MBTD1: variants seen among roughly 807,000 people sequenced by gnomAD.
The protein encoded by MBTD1 is mbt domain containing 1.
Under a neutral mutation model 87.8 loss-of-function variants are expected in MBTD1, and 24 were observed. The observed-to-expected ratio is 0.27, with a 90% CI of 0.20 to 0.38. The LOEUF is 0.38. Among genes scored for constraint, MBTD1 ranks in the 10% least tolerant of loss-of-function variants. The pLI, the probability that MBTD1 is intolerant of heterozygous loss-of-function variation, is 1.00. For missense variants in MBTD1, 436 were observed against 760.2 expected (o/e 0.57, Z 5.02); for synonymous variants, 237 against 248.6 (o/e 0.95, Z 0.44).
intron 16 of MBTD1, chr17:51,184,315 GCT>G (rs1284717528): frequency 7.2e-5 from 11 of 152,182 alleles, no homozygotes; most frequent in Admixed American, 5.2e-4. Flanking sequence ...TCTTTTCTCA[GCT>G]CTGTTTTTAG....
intron 2 of MBTD1, among the ~76,000 whole-genome samples, chr17:51,230,519 G>A (rs2053490566): frequency 6.6e-6 from 1 of 152,196 alleles, no homozygotes. Context: ...GGCTGTGTGA[G>A]GGCAGAGTCA....
chr17:51,182,645 T>G (rs2050368392), intron 16 of MBTD1, among the ~76,000 whole-genome samples: 1 of 152,162 alleles, frequency 6.6e-6, no homozygotes, highest in Non-Finnish European at 1.5e-5. Context: ...TTGCCCACAA[T>G]ACTCACACAG....
intron 12 of MBTD1, among the ~76,000 whole-genome samples, chr17:51,196,048 CA>C (rs1040838058): frequency 6.6e-6 from 1 of 152,108 alleles, no homozygotes; most frequent in African/African-American, 2.4e-5. Context: ...GCTAGGACTA[CA>C]GGTGCATGCC....
chr17:51,231,692 C>CCT (rs2053559354), intron 2 of MBTD1, among the ~76,000 whole-genome samples: 1 of 152,148 alleles, frequency 6.6e-6, no homozygotes, highest in Admixed American at 6.5e-5. Context: ...TGCACCCAGC[C>CCT]TAAGGCCTCT....
rs1568136911 is a variant in MBTD1 at position 51,179,713 on chromosome 17, A to T, written c.*863T>A. 2.0e-5 allele frequency: 3 copies of T among 151,416 alleles called. No individual in the cohort carries two copies. Among genetic ancestry groups the T allele is most frequent in the Admixed American group, 1.3e-4 (2 of 15,128 alleles). The allele number at this position is 151,416 out of a possible 1,614,324, so 9.4% of individuals were successfully genotyped here. On this transcript the variant is annotated 3_prime_UTR_variant, in exon 17 of 17. Coordinates refer to ENST00000586178, the MANE Select transcript of MBTD1 (RefSeq NM_017643.3). The stretch of plus-strand genomic sequence containing the variant: ...TTGGTTGTGGTTATACGAAGCTGTT[A>T]TTTCACAGATAGAGGGAAATGGCAG...
rs757280808 is a variant in MBTD1, at chr17:51,202,914, G to T, written c.850C>A (p.Pro284Thr). The T allele has an allele frequency of 2.5e-6, 4 of 1,613,174 alleles. No individual in the cohort carries two copies. The highest frequency in any genetic ancestry group is 3.4e-6 in the Non-Finnish European group (4 of 1,179,184). Residue 284 changes from proline to threonine, a missense_variant, in exon 10 of 17, where the codon CCT becomes ACT. This residue lies in a region of MBTD1 where 268 missense variants were observed against 401.8 expected (regional missense o/e 0.67). Coordinates refer to ENST00000586178, the MANE Select transcript of MBTD1 (RefSeq NM_017643.3). ...SQKVSESMQYPFKPCMRVEVV... is the reference protein window; with the variant it reads ...SQKVSESMQYTFKPCMRVEVV... ...TCTACTCTCATGCAAGGTTTGAAAG[G>T]ATACTGCATACTCTCTGAAACCTTA...
At chr17:51,226,349 C>G (rs374396632) in intron 2 of MBTD1, among the ~76,000 whole-genome samples, 7 of 151,176 alleles carry the variant, frequency 4.6e-5, no homozygotes, top group African/African-American at 1.7e-4. Context: ...AACCCTGACT[C>G]TACAAAAAAT....
At chr17:51,233,379 A>G (rs1338421697) in intron 2 of MBTD1, among the ~76,000 whole-genome samples, 1 of 152,212 alleles carries the variant, frequency 6.6e-6, no homozygotes, top group Non-Finnish European at 1.5e-5. Context: ...AGCAAACAGC[A>G]TAAGAAAACG....
At chr17:51,218,743 C>A (rs1317695647) in intron 5 of MBTD1, among the ~76,000 whole-genome samples, 187 bp downstream of exon 5, 2 of 152,110 alleles carry the variant, frequency 1.3e-5, no homozygotes, top group Non-Finnish European at 2.9e-5. Flanking sequence ...TGAACTTATG[C>A]ATGCAACTAT....
intron 6 of MBTD1, 59 bp from the exon 7 acceptor site, chr17:51,207,064 A>G: frequency 1.1e-6 from 1 of 896,846 alleles, no homozygotes; most frequent in Non-Finnish European, 1.8e-6. Context: ...AAACATATCA[A>G]TGAAAATTAA....
chr17:51,245,202 A>G (rs2054363685), intron 2 of MBTD1, among the ~76,000 whole-genome samples: 1 of 152,096 alleles, frequency 6.6e-6, no homozygotes, highest in Admixed American at 6.6e-5. Context: ...GCCCGGCCCT[A>G]GAGGATTTTT....
At chr17:51,243,524 C>A (rs768821689) in intron 2 of MBTD1, among the ~76,000 whole-genome samples, 5 of 152,124 alleles carry the variant, frequency 3.3e-5, no homozygotes, top group Non-Finnish European at 7.4e-5. Context: ...ATAACTGGAG[C>A]ACAGTTATCA....
rs1018654781 is a variant in MBTD1, at chr17:51,192,314, A to G, written c.1691-34T>C. ...TAAAAAGGGAAAATTGGTACTAGATAATTGTTTACAATTTAGACGATACAG... is the reference window on the plus strand; with the variant it reads ...TAAAAAGGGAAAATTGGTACTAGATGATTGTTTACAATTTAGACGATACAG... On this transcript the variant is annotated intron_variant, in intron 15 of 16. Coordinates refer to ENST00000586178, the MANE Select transcript of MBTD1 (RefSeq NM_017643.3). 4.3e-6 allele frequency: 6 copies of G among 1,404,788 alleles called. No individual in the cohort carries two copies. In the Admixed American group the frequency reaches 8.0e-5, roughly 19 times the overall value. The allele number at this position is 1,404,788 out of a possible 1,614,324, so 87.0% of individuals were successfully genotyped here.
chr17:51,236,944 A>C (rs2053873877), intron 2 of MBTD1, among the ~76,000 whole-genome samples: 1 of 152,192 alleles, frequency 6.6e-6, no homozygotes, highest in Non-Finnish European at 1.5e-5. Context: ...GAAAAATATT[A>C]ACAATCTTGT....
At chr17:51,182,417 C>T (rs1392161498) in intron 16 of MBTD1, among the ~76,000 whole-genome samples, 2 of 152,120 alleles carry the variant, frequency 1.3e-5, no homozygotes, top group African/African-American at 2.4e-5. Context: ...TCAGCCACCG[C>T]GCCTGGCCTC....
chr17:51,240,836 T>C (rs1375167699), intron 2 of MBTD1, among the ~76,000 whole-genome samples: 1 of 152,160 alleles, frequency 6.6e-6, no homozygotes, highest in East Asian at 1.9e-4. Flanking sequence ...AGATTTCCTC[T>C]TTTAAAAAAT....
intron 6 of MBTD1, chr17:51,209,419 G>A: frequency 2.1e-6 from 1 of 471,186 alleles, no homozygotes; most frequent in South Asian, 1.5e-5. Context: ...ATCTGGGAGC[G>A]ACTCTCCTTC....
chr17:51,216,400 A>G (rs544622605), intron 6 of MBTD1, among the ~76,000 whole-genome samples: 1 of 152,370 alleles, frequency 6.6e-6, no homozygotes, highest in East Asian at 1.9e-4. Context: ...CTAAAGGAAT[A>G]AAATAATCAA....
At chr17:51,251,976 G>C (rs1043329953) in intron 2 of MBTD1, among the ~76,000 whole-genome samples, 2 of 152,302 alleles carry the variant, frequency 1.3e-5, no homozygotes, top group South Asian at 4.1e-4. Context: ...TGTTGGCCAG[G>C]CTGATCTCGA....
Sources: allele counts gnomAD v4.1 joint callset (sites outside exome capture counted in the v4.1 genomes callset), GRCh38; gene constraint gnomAD v4.1.1; regional missense constraint gnomAD v4.1.1; transcripts MANE v1.5; gene names NCBI Gene and HGNC (gene_info 2026-07-23, HGNC 2026-07-21).